Variants in PHF23 observed in about 807,000 individuals in gnomAD.
PHF23 encodes the protein PDH-containing protein JUNE-1.
Under a neutral mutation model 36.0 loss-of-function variants are expected in PHF23, and 3 were observed. That is an observed-to-expected ratio of 0.08 (90% CI 0.04 to 0.22). The LOEUF is 0.22. PHF23 is among the 10% of genes least tolerant of loss of function. The pLI, the probability that PHF23 is intolerant of heterozygous loss-of-function variation, is 1.00. For synonymous variants in PHF23, 242 were observed against 192.5 expected, an observed-to-expected ratio of 1.26 and a Z score of -2.13; for missense variants, 475 against 513.6, an observed-to-expected ratio of 0.92 and a Z score of 0.73.
At chr17:7,237,065 G>T (rs938185885) in intron 3 of PHF23, among the ~76,000 whole-genome samples, 2 of 152,052 alleles carry the variant, frequency 1.3e-5, no homozygotes, top group Admixed American at 6.6e-5. Flanking sequence ...TTTCTGTATA[G>T]CCTCATTTGT....
intron 1 of PHF23, chr17:7,238,478 C>CGG: frequency 7.1e-6 from 4 of 563,970 alleles, no homozygotes; most frequent in Non-Finnish European, 8.7e-6. Context: ...GGCTATGGAC[C>CGG]CCTCAACTCT....
chr17:7,236,219 C>G lies in PHF23; in HGVS notation c.708G>C (p.Gly236=). 6.2e-7 allele frequency: 1 copy of G among 1,613,142 alleles called. No individual in the cohort carries two copies. Among genetic ancestry groups the G allele is most frequent in the Non-Finnish European group, 8.5e-7 (1 of 1,179,504 alleles). Residue 236 remains glycine (G), a synonymous_variant, in exon 4 of 5, where the codon GGG becomes GGC. Coordinates refer to ENST00000320316, the MANE Select transcript of PHF23 (RefSeq NM_024297.3). This position sits in a 1 kb window ranked among gnomAD's most constrained non-coding sequence, Gnocchi z 5.1. Reference sequence around the variant, plus strand: ...TATCACTGGGGGGTGCCTGGGGAGGCCCAGGAGGTGGGAGTCTATCCCCCC... The same window carrying G: ...TATCACTGGGGGGTGCCTGGGGAGGGCCAGGAGGTGGGAGTCTATCCCCCC... ...AERGDRLPPP[G]PPQAPPSDTD...
Position 7,235,528 on chromosome 17 carries a change from C to T in PHF23, c.*98G>A. 1 of 1,244,936 alleles carries T rather than the reference C, an allele frequency of 8.0e-7. No individual in the cohort carries two copies. The highest frequency in any genetic ancestry group is 1.1e-6 in the Non-Finnish European group (1 of 871,194). 77.1% of individuals were successfully genotyped at this position (1,244,936 alleles called of 1,614,324 possible). ...CCTTGAGAATTCCTGCCTTGAAGTG[C>T]AGACAGTATCCAAGCTCCAGGGGAT... On this transcript the variant is annotated 3_prime_UTR_variant, in exon 5 of 5. Transcript: ENST00000320316.
Position 7,235,255 on chromosome 17 carries a change from A to ATC in PHF23, c.*370_*371insGA. 3.7e-6 allele frequency: 1 copy of ATC among 273,572 alleles called. No individual in the cohort carries two copies. The highest frequency in any genetic ancestry group is 7.2e-6 in the Non-Finnish European group (1 of 139,786). The allele number at this position is 273,572 out of a possible 1,614,324, so 16.9% of individuals were successfully genotyped here. ...TGTAGAAGAAAATAAATGGGGAGTGAAATAGAAGAAAAGATGAGGGAGGGG... is the reference window on the plus strand; with the variant it reads ...TGTAGAAGAAAATAAATGGGGAGTGATCAATAGAAGAAAAGATGAGGGAGGGG... On this transcript the variant is annotated 3_prime_UTR_variant, in exon 5 of 5. Coordinates refer to ENST00000320316, the MANE Select transcript of PHF23 (RefSeq NM_024297.3).
rs779087472 is a variant in PHF23, at chr17:7,236,371, G to C, written c.556C>G (p.Arg186Gly). The C allele has an allele frequency of 3.7e-6, 6 of 1,614,106 alleles. No individual in the cohort carries two copies. The highest frequency in any genetic ancestry group is 5.1e-6 in the Non-Finnish European group (6 of 1,180,040). ...HPPRKKDRKN[R>G]KLGPGAGAGF... ...GCCCCAGCTCCTGGCCCCAACTTTC[G>C]GTTCTTTCGGTCCTTCTTTCGAGGA... The change falls in exon 4 of 5, where the codon CGA (arginine) becomes GGA (glycine). Residue 186 changes from arginine to glycine, a missense_variant. Physicochemically the swap from Arg to Gly is moderately radical, Grantham distance 125 (BLOSUM62 -2). Coordinates refer to ENST00000320316, the MANE Select transcript of PHF23 (RefSeq NM_024297.3). The surrounding 1 kb of genome is among the most constrained non-coding windows in gnomAD (Gnocchi z 5.1).
chr17:7,235,517 G>T lies in PHF23; in HGVS notation c.*109C>A. ...AAACAAGTCTCCCTTGAGAATTCCT[G>T]CCTTGAAGTGCAGACAGTATCCAAG... On this transcript the variant is annotated 3_prime_UTR_variant, in exon 5 of 5. Coordinates refer to ENST00000320316, the MANE Select transcript of PHF23 (RefSeq NM_024297.3). 9.0e-7 allele frequency: 1 copy of T among 1,113,942 alleles called. No individual in the cohort carries two copies. The highest frequency in any genetic ancestry group is 1.3e-6 in the Non-Finnish European group (1 of 759,182). The allele number at this position is 1,113,942 out of a possible 1,614,324, so 69.0% of individuals were successfully genotyped here.
Position 7,235,539 on chromosome 17 carries a change from C to T in PHF23, c.*87G>A. On this transcript the variant is annotated 3_prime_UTR_variant, in exon 5 of 5. Transcript: ENST00000320316. ...CCTGCCTTGAAGTGCAGACAGTATC[C>T]AAGCTCCAGGGGATAGGCTGAGGAC... is the stretch of plus-strand genomic sequence containing the variant. 2.2e-6 allele frequency: 3 copies of T among 1,378,144 alleles called. No homozygotes were observed. The South Asian group carries it at 3.5e-5, about 16-fold the overall frequency. 85.4% of individuals were successfully genotyped at this position (1,378,144 alleles called of 1,614,324 possible).
chr17:7,237,267 G>C, intron 3 of PHF23, 118 bp downstream of exon 3: 1 of 929,048 alleles, frequency 1.1e-6, no homozygotes, highest in Non-Finnish European at 1.7e-6. Context: ...CAACTTCCCT[G>C]GTCTTACATA....
chr17:7,237,777 C>G, intron 1 of PHF23, 117 bp from the exon 2 acceptor site: 1 of 1,209,592 alleles, frequency 8.3e-7, no homozygotes, highest in Non-Finnish European at 1.2e-6. Context: ...TCTGCCAGGC[C>G]AGCAGGCCCC....
Position 7,236,592 on chromosome 17 carries a change from G to C in PHF23, c.335C>G (p.Pro112Arg), listed in dbSNP as rs757302765. ...CTGCAGACGAGAGAAAGTGGACCTT[G>C]GGGGTCCTGGCTGGGTGGGACCTGC... ...AQAGPTQPGP[P>R]RSTFSRLQAP... The change falls in exon 4 of 5, where the codon CCA becomes CGA. Residue 112 changes from proline to arginine, a missense_variant. Pro to Arg is a moderately radical substitution (Grantham distance 103, BLOSUM62 -2). Around this residue, in one of 5 missense-constraint regions of PHF23, gnomAD observed 350 missense variants for 319.8 expected, o/e 1.09. Transcript: ENST00000320316. This position sits in a 1 kb window ranked among gnomAD's most constrained non-coding sequence, Gnocchi z 5.1. The C allele has an allele frequency of 1.2e-6, 2 of 1,614,186 alleles. No homozygotes were observed. Among genetic ancestry groups the C allele is most frequent in the Non-Finnish European group, 1.7e-6 (2 of 1,180,018 alleles).
In PHF23 at chr17:7,239,199, C is replaced by T. The variant is rs758292889; in HGVS notation, c.34+47G>A. The T allele has an allele frequency of 5.9e-6, 8 of 1,359,260 alleles. No individual in the cohort carries two copies. The South Asian group carries it at 7.6e-5, about 13-fold the overall frequency. 84.2% of individuals were successfully genotyped at this position (1,359,260 alleles called of 1,614,324 possible). A position where few individuals can be genotyped will look rare whatever the true frequency, so the allele number is the denominator to read the frequency against. The stretch of plus-strand genomic sequence containing the variant: ...CCTCCAAGTTTGCCAATTGATTCCT[C>T]GCCCGCCCCCCGCCGGCTCAGCGCT... On this transcript the variant is annotated intron_variant, in intron 1 of 4. Transcript: ENST00000320316.
At chr17:7,238,855 C>T (rs1335302491) in intron 1 of PHF23, 8 of 1,534,110 alleles carry the variant, frequency 5.2e-6, no homozygotes, top group Non-Finnish European at 6.1e-6. Context: ...CCACAAACTA[C>T]CCCACCTCGG....
Position 7,235,791 on chromosome 17 carries a change from T to G in PHF23, c.1047A>C (p.Ala349=). Reference sequence around the variant, plus strand: ...GGCTGCACTCAATCATGGGCCGCCCTGCAAAGGGCTTTCGACAGTAACATG... The same window carrying G: ...GGCTGCACTCAATCATGGGCCGCCCGGCAAAGGGCTTTCGACAGTAACATG... ...LITCYCRKPF[A]GRPMIECSLC... is the part of the protein sequence containing the mutation. Residue 349 remains alanine, a synonymous_variant, in exon 5 of 5, where the codon GCA becomes GCC. Coordinates refer to ENST00000320316, the MANE Select transcript of PHF23 (RefSeq NM_024297.3). 6.2e-7 allele frequency: 1 copy of G among 1,614,140 alleles called. No homozygotes were observed. The highest frequency in any genetic ancestry group is 8.5e-7 in the Non-Finnish European group (1 of 1,180,038).
At chr17:7,237,058 C>T (rs1350710273) in intron 3 of PHF23, among the ~76,000 whole-genome samples, 1 of 152,284 alleles carries the variant, frequency 6.6e-6, no homozygotes. Flanking sequence ...AGCTCTTTTT[C>T]TGTATAGCCT....
Position 7,235,391 on chromosome 17 carries a change from C to G in PHF23, c.*235G>C, listed in dbSNP as rs907694381. 2 of 546,958 alleles carry G rather than the reference C, an allele frequency of 3.7e-6. No individual in the cohort carries two copies. Among genetic ancestry groups the G allele is most frequent in the East Asian group, 3.2e-5 (1 of 31,366 alleles). 33.9% of individuals were successfully genotyped at this position (546,958 alleles called of 1,614,324 possible). A position where few individuals can be genotyped will look rare whatever the true frequency, so the allele number is the denominator to read the frequency against. On this transcript the variant is annotated 3_prime_UTR_variant, in exon 5 of 5. Transcript: ENST00000320316. The stretch of plus-strand genomic sequence containing the variant: ...GGTCCAAGAGACAGAGATTATGTGT[C>G]GGGACACAGACAGCCTCCCATCCCC...
At chr17:7,239,526 TCTCCTCCCTCCCTC>T (rs1261622515), upstream of PHF23, 1 of 299,920 alleles carries the variant, frequency 3.3e-6, no homozygotes, top group Non-Finnish European at 6.2e-6. Flanking sequence ...CCACCTCCTC[TCTCCTCCCTCCCTC>T]CTCTTCTCTC....
chr17:7,238,880 C>T (rs1249626264), intron 1 of PHF23: 1 of 1,533,942 alleles, frequency 6.5e-7, no homozygotes, highest in Non-Finnish European at 8.7e-7. Flanking sequence ...CTACCGGGCC[C>T]CTCACTCAGC....
rs1567583925 is a variant in PHF23 at position 7,239,324 on chromosome 17, CG to C, written c.-46del. ...GGTCCGGCGCCCCCCTCCCCGGAGC[CG>C]GGGATCCCGGTGCCGCCTCTAGTGC... On this transcript the variant is annotated 5_prime_UTR_variant, in exon 1 of 5. Coordinates refer to ENST00000320316, the MANE Select transcript of PHF23 (RefSeq NM_024297.3). 2.0e-6 allele frequency: 2 copies of C among 1,015,564 alleles called. No individual in the cohort carries two copies. The highest frequency in any genetic ancestry group is 3.0e-6 in the Non-Finnish European group (2 of 661,958). 62.9% of individuals were successfully genotyped at this position (1,015,564 alleles called of 1,614,324 possible). A position where few individuals can be genotyped will look rare whatever the true frequency, so the allele number is the denominator to read the frequency against.
At chr17:7,237,538 G>C (rs778255941) in intron 2 of PHF23, 61 bp from the exon 3 acceptor site, 171 of 1,593,626 alleles carry the variant, frequency 1.1e-4, no homozygotes, top group Non-Finnish European at 1.4e-4. Flanking sequence ...GGCATTCCCA[G>C]AAACACAGTC....
Sources: gnomAD v4.1 joint callset for allele counts (sites outside exome capture counted in the v4.1 genomes callset) on GRCh38, gnomAD v4.1.1 for gene constraint, gnomAD v4.1.1 regional missense constraint, Gnocchi (gnomAD v3.1) non-coding constraint, MANE v1.5 for transcripts, NCBI Gene and HGNC (gene_info 2026-07-23, HGNC 2026-07-21) for gene names.